ANXA7: variants seen among roughly 807,000 people sequenced by gnomAD.
The protein encoded by ANXA7 is annexin A7, also known as annexin VII.
ANXA7 carries 55 observed loss-of-function variants against 64.9 expected under a neutral mutation model. The observed-to-expected ratio is 0.85, with a 90% CI of 0.68 to 1.06. ANXA7 has a LOEUF of 1.06. ANXA7 is among the 50% of genes least tolerant of loss of function. ANXA7 has a pLI of 0.00. For missense variants in ANXA7, 548 were observed against 582.1 expected, an observed-to-expected ratio of 0.94 and a Z score of 0.60; for synonymous variants, 200 against 192.4, an observed-to-expected ratio of 1.04 and a Z score of -0.33.
intron 9 of ANXA7, among the ~76,000 whole-genome samples, chr10:73,382,709 C>T (rs910322746): frequency 1.5e-4 from 23 of 152,110 alleles, no homozygotes; most frequent in Admixed American, 4.6e-4. Context: ...AATTCTCCAG[C>T]ACACCTGGGG....
At chr10:73,396,088 A>C (rs771054250) in intron 5 of ANXA7, 1 of 1,599,838 alleles carries the variant, frequency 6.3e-7, no homozygotes, top group Non-Finnish European at 8.6e-7. Context: ...ACAGGATAGG[A>C]AGAAAAAGAA....
At chr10:73,376,368 A>C in intron 12 of ANXA7, 151 bp from the exon 13 acceptor site, 1 of 659,446 alleles carries the variant, frequency 1.5e-6, no homozygotes, top group Non-Finnish European at 2.4e-6. Context: ...ACTCATACCA[A>C]TGCTAGCACT....
At position 73,398,674 on chromosome 10, in the gene ANXA7, G is replaced by GA. The variant is rs890400608; in HGVS notation, c.55-290dup. Among the ~76,000 whole-genome samples, 1,166 of 137,370 alleles carry GA rather than the reference G, an allele frequency of 8.5e-3. 2 individuals carry two copies. The highest frequency in any genetic ancestry group is 0.012 in the African/African-American group (455 of 37,588). 90.1% of individuals were successfully genotyped at this position (137,370 alleles called of 152,430 possible). On this transcript the variant is annotated intron_variant, in intron 2 of 12. Transcript: ENST00000372921. ...TTCTTTACAAACCTCAAGGTTTTAA[G>GA]AAAAAAAAAAAACTCATCAGTTCCT...
chr10:73,379,160 T>C lies in ANXA7; in HGVS notation c.1166-137A>G, dbSNP rs1025188413. ...ACAGAAACATGGGGTGAGTTAAGAG[T>C]GTTCAGATGCTCTCCTTGATTTTTT... On this transcript the variant is annotated intron_variant, in intron 11 of 12. Coordinates refer to ENST00000372921, the MANE Select transcript of ANXA7 (RefSeq NM_001156.5). The C allele has an allele frequency of 5.3e-6, 3 of 568,294 alleles. No individual in the cohort carries two copies. The African/African-American group carries it at 5.9e-5, about 11-fold the overall frequency. The allele number at this position is 568,294 out of a possible 1,614,324, so 35.2% of individuals were successfully genotyped here. A position where few individuals can be genotyped will look rare whatever the true frequency, so the allele number is the denominator to read the frequency against.
intron 2 of ANXA7, among the ~76,000 whole-genome samples, chr10:73,399,252 G>A (rs190393558): frequency 6.6e-6 from 1 of 152,298 alleles, no homozygotes; most frequent in Non-Finnish European, 1.5e-5. Context: ...CCAGGAAACT[G>A]AAGAAAGAAA....
At chr10:73,408,757 A>G (rs543134588) in intron 1 of ANXA7, among the ~76,000 whole-genome samples, 17 of 152,360 alleles carry the variant, frequency 1.1e-4, no homozygotes, top group East Asian at 9.6e-4. Flanking sequence ...ACAAAATTAT[A>G]TATGTACAAG....
intron 5 of ANXA7, among the ~76,000 whole-genome samples, chr10:73,390,720 A>ATATATATATATATATAT: frequency 8.9e-6 from 1 of 112,596 alleles, no homozygotes; most frequent in Non-Finnish European, 1.7e-5. Context: ...ATATATATAT[A>ATATATATATATATATAT]AAAATATATA....
chr10:73,393,740 T>C (rs1183320901), intron 5 of ANXA7, among the ~76,000 whole-genome samples: 2 of 152,198 alleles, frequency 1.3e-5, no homozygotes, highest in African/African-American at 2.4e-5. Context: ...ATGTTAGATC[T>C]AAAACCATAA....
rs1195934116 is a variant in ANXA7, at chr10:73,375,188, A to T, written c.*907T>A. On this transcript the variant is annotated 3_prime_UTR_variant, in exon 13 of 13. Transcript: ENST00000372921. Reference sequence around the variant, plus strand: ...CAGGTGAGAGGTGGGGAAAATGGGGAGATGTTGGTCAAAGGGTATAAACTT... The same window carrying T: ...CAGGTGAGAGGTGGGGAAAATGGGGTGATGTTGGTCAAAGGGTATAAACTT... The T allele has an allele frequency of 6.6e-6, 1 of 152,208 alleles. No individual in the cohort carries two copies. Among genetic ancestry groups the T allele is most frequent in the Non-Finnish European group, 1.5e-5 (1 of 68,052 alleles). The allele number at this position is 152,208 out of a possible 1,614,324, so 9.4% of individuals were successfully genotyped here. A position where few individuals can be genotyped will look rare whatever the true frequency, so the allele number is the denominator to read the frequency against.
intron 9 of ANXA7, among the ~76,000 whole-genome samples, chr10:73,382,292 A>G (rs1164560673): frequency 6.6e-6 from 1 of 151,862 alleles, no homozygotes; most frequent in African/African-American, 2.4e-5. Context: ...AGTCATTTAC[A>G]TAATCTCTTT....
intron 9 of ANXA7, chr10:73,381,553 G>A (rs935141980): frequency 1.3e-5 from 2 of 152,134 alleles, no homozygotes; most frequent in African/African-American, 4.8e-5. Context: ...TTCTACATGG[G>A]CGACTGAATA....
Position 73,383,352 on chromosome 10 carries a change from G to T in ANXA7, c.748-7C>A. On this transcript the variant is annotated splice_polypyrimidine_tract_variant and splice_region_variant and intron_variant, in intron 8 of 12. Coordinates refer to ENST00000372921, the MANE Select transcript of ANXA7 (RefSeq NM_001156.5). ...GTTCCTGAGTTCCTGCTCCCTACAT[G>T]AAATGAAGGGAAGATTATACAAAGA... 1 of 1,596,642 alleles carries T rather than the reference G, an allele frequency of 6.3e-7. No homozygotes were observed. Among genetic ancestry groups the T allele is most frequent in the Non-Finnish European group, 8.5e-7 (1 of 1,170,488 alleles).
chr10:73,396,046 C>A, intron 5 of ANXA7: 1 of 1,580,416 alleles, frequency 6.3e-7, no homozygotes. Flanking sequence ...TTACTCACTT[C>A]ACTGCTATAA....
rs1235840640 is a variant in ANXA7, at chr10:73,380,079, G to A, written c.1041C>T (p.Ala347=). The A allele has an allele frequency of 1.2e-6, 2 of 1,614,138 alleles. No individual in the cohort carries two copies. Among genetic ancestry groups the A allele is most frequent in the South Asian group, 1.1e-5 (1 of 91,084 alleles). ...TDESCFNMIL[A]TRSFPQLRAT... ...CTCTCAGCTGAGGAAAGCTTCTTGT[G>A]GCAAGGATCATGTTAAAGCAAGATT... Residue 347 remains alanine, a synonymous_variant, in exon 10 of 13, where the codon GCC becomes GCT. Transcript: ENST00000372921.
intron 3 of ANXA7, 21 bp from the exon 4 acceptor site, chr10:73,397,295 A>T: frequency 6.6e-7 from 1 of 1,509,698 alleles, no homozygotes; most frequent in East Asian, 2.3e-5. Context: ...GAACATGTCA[A>T]TAAACTATAG....
chr10:73,399,447 G>C (rs1366423960), intron 2 of ANXA7, among the ~76,000 whole-genome samples: 4 of 152,074 alleles, frequency 2.6e-5, no homozygotes, highest in African/African-American at 7.2e-5. Flanking sequence ...TTTGCATAAG[G>C]ATACATATTA....
At chr10:73,394,412 G>A (rs951406073) in intron 5 of ANXA7, among the ~76,000 whole-genome samples, 113 of 152,204 alleles carry the variant, frequency 7.4e-4, no homozygotes, top group African/African-American at 2.6e-3. Context: ...ACATGCACAC[G>A]TATGTTTATT....
Position 73,398,166 on chromosome 10 carries a change from C to T in ANXA7, c.259+15G>A. Reference sequence around the variant, plus strand: ...GCAATCCCAATCATTACTAATTCCGCAACCCGTAACTCACCTCCGGGATAG... The same window carrying T: ...GCAATCCCAATCATTACTAATTCCGTAACCCGTAACTCACCTCCGGGATAG... On this transcript the variant is annotated intron_variant, in intron 3 of 12. Coordinates refer to ENST00000372921, the MANE Select transcript of ANXA7 (RefSeq NM_001156.5). 1 of 1,598,928 alleles carries T rather than the reference C, an allele frequency of 6.3e-7. No homozygotes were observed. The highest frequency in any genetic ancestry group is 8.5e-7 in the Non-Finnish European group (1 of 1,170,216).
At position 73,390,714 on chromosome 10, in the gene ANXA7, AT is replaced by A. The variant is rs1298671824; in HGVS notation, c.436-2301del. Among the ~76,000 whole-genome samples the A allele has an allele frequency of 1.5e-4, 17 of 114,194 alleles. 1 individual carries two copies. Among genetic ancestry groups the A allele is most frequent in the African/African-American group, 6.5e-4 (16 of 24,732 alleles). The allele number at this position is 114,194 out of a possible 152,430, so 74.9% of individuals were successfully genotyped here. The stretch of plus-strand genomic sequence containing the variant: ...GTAAAATATATATATATATATATAT[AT>A]ATATAAAAATATATATATACACACA... On this transcript the variant is annotated intron_variant, in intron 5 of 12. Transcript: ENST00000372921.
Sources: gnomAD v4.1 joint callset for allele counts (sites outside exome capture counted in the v4.1 genomes callset) on GRCh38, gnomAD v4.1.1 for gene constraint, MANE v1.5 for transcripts, NCBI Gene and HGNC (gene_info 2026-07-23, HGNC 2026-07-21) for gene names.